The following PTPRQ variants were observed in gnomAD, a reference collection of about 807,000 sequenced individuals.
PTPRQ encodes the protein protein tyrosine phosphatase receptor type Q, also known as phosphatidylinositol phosphatase PTPRQ.
In PTPRQ, 199 loss-of-function variants were observed where a neutral mutation model predicts 246.0. That is an observed-to-expected ratio of 0.81 (90% CI 0.72 to 0.91). The LOEUF (loss-of-function observed/expected upper bound fraction) is 0.91, where lower values mean the gene tolerates loss of function less well. PTPRQ is among the 40% of genes least tolerant of loss of function. PTPRQ has a pLI of 0.00. For synonymous variants in PTPRQ, 869 were observed against 853.2 expected, an observed-to-expected ratio of 1.02 and a Z score of -0.32; for missense variants, 2,624 against 2,528.4, an observed-to-expected ratio of 1.04 and a Z score of -0.81.
At chr12:80,509,220 C>G (rs953003884) in intron 16 of PTPRQ, among the ~76,000 whole-genome samples, 23 of 151,974 alleles carry the variant, frequency 1.5e-4, no homozygotes, top group African/African-American at 5.3e-4. Context: ...AAACTTTCTG[C>G]TGCTCAATAA....
chr12:80,654,000 T>C (rs1248254453), intron 38 of PTPRQ, among the ~76,000 whole-genome samples: 2 of 151,890 alleles, frequency 1.3e-5, no homozygotes, highest in Admixed American at 6.6e-5. Flanking sequence ...ATTCATAATT[T>C]CTTTTTCTTT....
intron 14 of PTPRQ, among the ~76,000 whole-genome samples, chr12:80,505,114 T>C (rs10862153): frequency 0.32 from 48,876 of 151,658 alleles, 9,158 homozygotes; most frequent in African/African-American, 0.51. Context: ...GGCCCCAGGG[T>C]TTTATAGTCT....
At chr12:80,491,109 A>T (rs12318716) in intron 9 of PTPRQ, among the ~76,000 whole-genome samples, 38,101 of 151,772 alleles carry the variant, frequency 0.25, 5,480 homozygotes, top group African/African-American at 0.39. Flanking sequence ...TCACTTTGAA[A>T]TGGTAGTTTG....
chr12:80,522,811 C>G (rs955175048), intron 17 of PTPRQ, among the ~76,000 whole-genome samples: 1 of 151,876 alleles, frequency 6.6e-6, no homozygotes, highest in African/African-American at 2.4e-5. Context: ...CAGGGATATT[C>G]ATGTAAAATT....
chr12:80,517,327 C>T (rs80027591), intron 17 of PTPRQ, among the ~76,000 whole-genome samples: 2,916 of 151,682 alleles, frequency 0.019, 93 homozygotes, highest in African/African-American at 0.067. Context: ...AGTTGTTTAC[C>T]GTGATTCCCA....
chr12:80,472,101 G>A lies in PTPRQ; in HGVS notation c.1040-4G>A. The A allele has an allele frequency of 1.9e-6, 3 of 1,549,158 alleles. No homozygotes were observed. Among genetic ancestry groups the A allele is most frequent in the Non-Finnish European group, 2.6e-6 (3 of 1,146,268 alleles). On this transcript the variant is annotated splice_polypyrimidine_tract_variant and splice_region_variant and intron_variant, in intron 7 of 44. Transcript: ENST00000644991. ...AATCCATAGCTATCTTCCACTTTTT[G>A]CAGGTCGCATTTTGGATAACAGCAC...
intron 25 of PTPRQ, among the ~76,000 whole-genome samples, chr12:80,560,357 A>C (rs538040194): frequency 6.6e-6 from 1 of 152,334 alleles, no homozygotes; most frequent in Admixed American, 6.5e-5. Flanking sequence ...TAGTTTGTTT[A>C]AATTCTTCAC....
chr12:80,457,033 A>G (rs1893002952), intron 3 of PTPRQ, among the ~76,000 whole-genome samples: 1 of 152,106 alleles, frequency 6.6e-6, no homozygotes, highest in Non-Finnish European at 1.5e-5. Context: ...TTCTTTTTCT[A>G]TTCTAGTCTA....
chr12:80,485,223 G>T (rs1894233788), intron 9 of PTPRQ, among the ~76,000 whole-genome samples: 1 of 152,132 alleles, frequency 6.6e-6, no homozygotes, highest in African/African-American at 2.4e-5. Context: ...CTGTTAGGAA[G>T]TACAGGCAAC....
chr12:80,524,247 C>T (rs894262820), intron 17 of PTPRQ, among the ~76,000 whole-genome samples: 1 of 152,046 alleles, frequency 6.6e-6, no homozygotes, highest in Non-Finnish European at 1.5e-5. Context: ...TTATTTTGAG[C>T]CTATGTGTGT....
At chr12:80,634,246 TA>T (rs1160001667) in intron 34 of PTPRQ, among the ~76,000 whole-genome samples, 1 of 152,160 alleles carries the variant, frequency 6.6e-6, no homozygotes, top group East Asian at 1.9e-4. Context: ...GTCCAACTCT[TA>T]ATAAATACTA....
At chr12:80,522,952 T>G (rs962319234) in intron 17 of PTPRQ, among the ~76,000 whole-genome samples, 2 of 152,220 alleles carry the variant, frequency 1.3e-5, no homozygotes, top group Non-Finnish European at 2.9e-5. Flanking sequence ...CAGCTCCTCC[T>G]TGTACCTCTG....
In PTPRQ at chr12:80,542,322, C is replaced by A. The variant is rs1896180740; in HGVS notation, c.3679C>A (p.Leu1227Ile). Reference sequence around the variant, plus strand: ...TGCTGCCGCAAGAACTAGAAAAGGACTTGGTCCTTCCAGTATTCTTTTCTT... The same window carrying A: ...TGCTGCCGCAAGAACTAGAAAAGGAATTGGTCCTTCCAGTATTCTTTTCTT... The part of the protein sequence containing the change: ...FFAAARTRKG[L>I]GPSSILFFYT... The change falls in exon 22 of 45, where the codon CTT (leucine) becomes ATT (isoleucine). Residue 1227 changes from leucine to isoleucine, a missense_variant. Transcript: ENST00000644991. 1 of 1,547,902 alleles carries A rather than the reference C, an allele frequency of 6.5e-7. No homozygotes were observed. The highest frequency in any genetic ancestry group is 8.7e-7 in the Non-Finnish European group (1 of 1,146,024).
intron 25 of PTPRQ, among the ~76,000 whole-genome samples, chr12:80,569,094 G>C (rs1040187440): frequency 7.2e-6 from 1 of 138,070 alleles, no homozygotes; most frequent in Non-Finnish European, 1.6e-5. Context: ...TTAGTACTGA[G>C]TTATAGGAGT....
intron 9 of PTPRQ, among the ~76,000 whole-genome samples, chr12:80,485,810 T>A (rs190097759): frequency 3.9e-4 from 59 of 152,238 alleles, no homozygotes; most frequent in African/African-American, 1.4e-3. Context: ...GTTTCCCACT[T>A]CTGCTAATGA....
chr12:80,661,046 A>G (rs888344871), intron 39 of PTPRQ, among the ~76,000 whole-genome samples: 1 of 151,830 alleles, frequency 6.6e-6, no homozygotes, highest in Non-Finnish European at 1.5e-5. Flanking sequence ...TGATCTTACT[A>G]TCAATCCTTC....
chr12:80,542,410 G>A lies in PTPRQ; in HGVS notation c.3721+46G>A, dbSNP rs772885638. ...CTTCAAACAATTTCACTGTTGCAGC[G>A]CCTGCTCTCTCTTTTTAAGGAACAG... is the stretch of plus-strand genomic sequence containing the variant. On this transcript the variant is annotated intron_variant, in intron 22 of 44. Transcript: ENST00000644991. The A allele has an allele frequency of 6.8e-5, 103 of 1,506,268 alleles. 1 individual carries two copies. In the East Asian group the frequency reaches 2.0e-3, roughly 29 times the overall value. 93.3% of individuals were successfully genotyped at this position (1,506,268 alleles called of 1,614,324 possible).
chr12:80,477,422 T>C (rs1893848107), intron 8 of PTPRQ, among the ~76,000 whole-genome samples: 1 of 152,288 alleles, frequency 6.6e-6, no homozygotes, highest in Middle Eastern at 3.4e-3. Context: ...AAAATTATTT[T>C]TATTAATTAA....
intron 14 of PTPRQ, among the ~76,000 whole-genome samples, chr12:80,503,973 T>C (rs1235125498): frequency 6.6e-6 from 1 of 151,668 alleles, no homozygotes; most frequent in Non-Finnish European, 1.5e-5. Context: ...GTTAAGATGG[T>C]TCCTTTTTTG....
Sources: gnomAD v4.1 joint callset for allele counts (sites outside exome capture counted in the v4.1 genomes callset) on GRCh38, gnomAD v4.1.1 for gene constraint, MANE v1.5 for transcripts, NCBI Gene and HGNC (gene_info 2026-07-23, HGNC 2026-07-21) for gene names.